SPATA22: variants seen among roughly 807,000 people sequenced by gnomAD.
The protein encoded by SPATA22 is spermatogenesis-associated protein 22.
SPATA22 carries 29 observed loss-of-function variants against 47.8 expected under a neutral mutation model. That is an observed-to-expected ratio of 0.61 (90% confidence interval 0.45 to 0.83). The LOEUF is 0.83. Ranked by LOEUF, SPATA22 falls within the 40% of genes least tolerant of loss-of-function variation. The pLI is 0.00. For synonymous variants in SPATA22, 133 were observed against 140.9 expected (o/e 0.94, Z 0.40); for missense variants, 410 against 421.7 (o/e 0.97, Z 0.24).
intron 5 of SPATA22, among the ~76,000 whole-genome samples, chr17:3,456,234 C>A (rs962033757): frequency 2.0e-5 from 3 of 151,600 alleles, no homozygotes; most frequent in African/African-American, 4.8e-5. Context: ...ACAAAAAACC[C>A]TTCAAAAAAT....
intron 1 of SPATA22, chr17:3,489,133 A>G: frequency 1.3e-6 from 1 of 791,116 alleles, no homozygotes; most frequent in Non-Finnish European, 2.1e-6. Context: ...CTTTTTAATA[A>G]TTTTAACAAC....
chr17:3,493,170 G>A (rs2150757490), intron 1 of SPATA22, among the ~76,000 whole-genome samples: 1 of 152,276 alleles, frequency 6.6e-6, no homozygotes. Flanking sequence ...ATTGGGTTGA[G>A]GTTGCTGCAT....
chr17:3,503,917 T>A (rs2074017847), intron 1 of SPATA22, among the ~76,000 whole-genome samples: 2 of 152,136 alleles, frequency 1.3e-5, no homozygotes. Flanking sequence ...GAATACATAC[T>A]TAACAAATCA....
chr17:3,476,821 A>G (rs533956423), intron 1 of SPATA22, among the ~76,000 whole-genome samples: 1 of 152,354 alleles, frequency 6.6e-6, no homozygotes, highest in East Asian at 1.9e-4. Flanking sequence ...GGTAATGCAT[A>G]AAGTTCTAGT....
chr17:3,504,193 T>C (rs2074020087), intron 1 of SPATA22, among the ~76,000 whole-genome samples: 1 of 152,168 alleles, frequency 6.6e-6, no homozygotes, highest in Non-Finnish European at 1.5e-5. Flanking sequence ...ATAGCCAACA[T>C]GGTCTTCGTC....
chr17:3,510,393 T>C (rs1438357857), intron 1 of SPATA22: 1 of 152,216 alleles, frequency 6.6e-6, no homozygotes, highest in African/African-American at 2.4e-5. Flanking sequence ...ATGATAATGC[T>C]TCAGGTCCAA....
chr17:3,465,699 T>C (rs2073288772), intron 3 of SPATA22, among the ~76,000 whole-genome samples: 1 of 151,118 alleles, frequency 6.6e-6, no homozygotes, highest in African/African-American at 2.4e-5. Flanking sequence ...CACTTGTTTA[T>C]CTGCTGACCT....
upstream of SPATA22, among the ~76,000 whole-genome samples, chr17:3,474,459 C>T (rs1008693815): frequency 6.6e-6 from 1 of 152,206 alleles, no homozygotes; most frequent in Admixed American, 6.5e-5. Context: ...GGTTACTGCT[C>T]TTAAAACCAA....
chr17:3,453,722 C>A (rs573137805), intron 5 of SPATA22, among the ~76,000 whole-genome samples: 1 of 152,192 alleles, frequency 6.6e-6, no homozygotes, highest in Admixed American at 6.5e-5. Context: ...AATGGAAATG[C>A]TCACTGAAGC....
At chr17:3,484,188 C>T (rs891041187) in intron 1 of SPATA22, among the ~76,000 whole-genome samples, 1 of 152,144 alleles carries the variant, frequency 6.6e-6, no homozygotes, top group African/African-American at 2.4e-5. Context: ...CTGTCACCTC[C>T]TATAGAACTT....
chr17:3,498,782 CTT>C, intron 1 of SPATA22: 3 of 1,125,546 alleles, frequency 2.7e-6, no homozygotes, highest in Admixed American at 6.5e-5. Flanking sequence ...TCAAGTATCT[CTT>C]TTAAAACAAC....
chr17:3,443,341 C>T, intron 7 of SPATA22, 70 bp from the exon 8 acceptor site: 1 of 1,109,574 alleles, frequency 9.0e-7, no homozygotes, highest in Non-Finnish European at 1.3e-6. Flanking sequence ...CAAAGAGAAG[C>T]TGATGTTTAA....
chr17:3,494,543 C>G (rs771080216), intron 1 of SPATA22: 15 of 1,133,864 alleles, frequency 1.3e-5, no homozygotes, highest in Non-Finnish European at 1.7e-5. Flanking sequence ...CAGCACTTCG[C>G]GTACATTCGC....
At chr17:3,475,758 T>C (rs761161704), upstream of SPATA22, 7 of 198,928 alleles carry the variant, frequency 3.5e-5, no homozygotes, top group Non-Finnish European at 5.2e-5. Flanking sequence ...ACGTATAAAC[T>C]ATTTTTATTA....
chr17:3,498,869 T>A, intron 1 of SPATA22: 1 of 1,507,228 alleles, frequency 6.6e-7, no homozygotes, highest in Non-Finnish European at 8.9e-7. Context: ...ATAATATATT[T>A]ATTTTGATTG....
intron 1 of SPATA22, among the ~76,000 whole-genome samples, chr17:3,510,311 G>A (rs778068021): frequency 6.6e-6 from 1 of 152,126 alleles, no homozygotes; most frequent in African/African-American, 2.4e-5. Flanking sequence ...ATGTGAATGC[G>A]CTTTGAGATG....
At chr17:3,464,874 G>A (rs1190527141) in intron 3 of SPATA22, among the ~76,000 whole-genome samples, 16 of 107,500 alleles carry the variant, frequency 1.5e-4, no homozygotes, top group Admixed American at 3.3e-4. Flanking sequence ...CAGCCACCCC[G>A]TCTGGGAGGG....
At chr17:3,465,591 T>C (rs1385925499) in intron 3 of SPATA22, among the ~76,000 whole-genome samples, 2 of 151,214 alleles carry the variant, frequency 1.3e-5, no homozygotes, top group Non-Finnish European at 3.0e-5. Context: ...GCATGCTCGT[T>C]AAGAGTCATC....
At chr17:3,481,932 G>A in intron 1 of SPATA22, 1 of 820,536 alleles carries the variant, frequency 1.2e-6, no homozygotes, top group East Asian at 2.7e-5. Flanking sequence ...AGCCAGGCTT[G>A]GTGGTTGGGG....
Sources: allele counts gnomAD v4.1 joint callset (sites outside exome capture counted in the v4.1 genomes callset), GRCh38; gene constraint gnomAD v4.1.1; transcripts MANE v1.5; gene names NCBI Gene and HGNC (gene_info 2026-07-23, HGNC 2026-07-21).